The following CTNNA2 variants were observed in gnomAD, a reference collection of about 807,000 sequenced individuals.
CTNNA2 encodes the protein catenin alpha-2.
CTNNA2 carries 42 observed loss-of-function variants against 101.0 expected under a neutral mutation model. The ratio of observed to expected loss-of-function variants is 0.42; its 90% CI spans 0.32 to 0.54. The LOEUF (loss-of-function observed/expected upper bound fraction) is 0.54, where lower values mean the gene tolerates loss of function less well. Ranked by LOEUF, CTNNA2 falls within the 20% of genes least tolerant of loss-of-function variation. The pLI is 0.14. For missense variants in CTNNA2, 871 were observed against 1,223.1 expected, an observed-to-expected ratio of 0.71 and a Z score of 4.29; for synonymous variants, 450 against 456.4, an observed-to-expected ratio of 0.99 and a Z score of 0.18.
At chr2:80,547,448 T>A (rs1440242175) in intron 11 of CTNNA2, among the ~76,000 whole-genome samples, 1 of 152,164 alleles carries the variant, frequency 6.6e-6, no homozygotes, top group African/African-American at 2.4e-5. Context: ...TTTCAGAAAC[T>A]CTATAATTCT....
chr2:79,410,815 A>C lies in CTNNA2; in HGVS notation c.-135+36802A>C, dbSNP rs560963854. Among the ~76,000 whole-genome samples, 19 of 151,620 alleles carry C rather than the reference A, an allele frequency of 1.3e-4. No individual in the cohort carries two copies. In the South Asian group the frequency reaches 1.3e-3, roughly 10 times the overall value. Reference sequence around the variant, plus strand: ...GGTATCAGGATGATGCTGGCCTCATAAAATGAGTTAGGGAGGATTCCCTCT... The same window carrying C: ...GGTATCAGGATGATGCTGGCCTCATCAAATGAGTTAGGGAGGATTCCCTCT... On this transcript the variant is annotated intron_variant, in intron 4 of 21. Transcript: ENST00000466387.
intron 7 of CTNNA2, among the ~76,000 whole-genome samples, chr2:80,083,220 T>C (rs1699250964): frequency 4.6e-5 from 7 of 152,150 alleles, no homozygotes; most frequent in Admixed American, 3.9e-4. Context: ...TGTATCAAAC[T>C]GTCTCATCTT....
At chr2:80,590,021 T>G (rs1368321814) in intron 15 of CTNNA2, among the ~76,000 whole-genome samples, 1 of 152,236 alleles carries the variant, frequency 6.6e-6, no homozygotes, top group Non-Finnish European at 1.5e-5. Context: ...AATCTAAGAT[T>G]CCATTGTTTT....
chr2:80,040,888 G>C (rs1243248599), intron 7 of CTNNA2, among the ~76,000 whole-genome samples: 3 of 152,088 alleles, frequency 2.0e-5, no homozygotes, highest in Non-Finnish European at 4.4e-5. Flanking sequence ...AGATATATGT[G>C]TCAAAAAATA....
chr2:80,595,320 A>G (rs1233109083), intron 15 of CTNNA2, among the ~76,000 whole-genome samples: 1 of 152,106 alleles, frequency 6.6e-6, no homozygotes, highest in Non-Finnish European at 1.5e-5. Flanking sequence ...AACATTTTGT[A>G]TCCTGCAACT....
At chr2:80,354,656 G>T (rs1400765348) in intron 7 of CTNNA2, among the ~76,000 whole-genome samples, 2 of 152,150 alleles carry the variant, frequency 1.3e-5, no homozygotes, top group Non-Finnish European at 2.9e-5. Context: ...TTGAATACAT[G>T]ACTTGATCAT....
chr2:79,336,855 G>A (rs1456769025), intron 3 of CTNNA2, among the ~76,000 whole-genome samples: 1 of 152,180 alleles, frequency 6.6e-6, no homozygotes, highest in Non-Finnish European at 1.5e-5. Context: ...GCATGGTGGT[G>A]TTGTCTATTT....
Position 80,404,507 on chromosome 2 carries a change from G to C in CTNNA2, c.1137+11216G>C, listed in dbSNP as rs546925274. Among the ~76,000 whole-genome samples, 4 of 152,284 alleles carry C rather than the reference G, an allele frequency of 2.6e-5. No individual in the cohort carries two copies. The East Asian group carries it at 7.7e-4, about 29-fold the overall frequency. ...AAACACTTATTTTAAAAGCAGACTA[G>C]TAAGTATGTGGTTACATGTGTCTAA... On this transcript the variant is annotated intron_variant, in intron 8 of 18. Coordinates refer to ENST00000402739, the MANE Select transcript of CTNNA2 (RefSeq NM_001282597.3).
intron 2 of CTNNA2, among the ~76,000 whole-genome samples, chr2:79,667,691 T>C (rs892124764): frequency 6.6e-6 from 1 of 152,178 alleles, no homozygotes; most frequent in African/African-American, 2.4e-5. Context: ...ATGAATTATA[T>C]CTTTGTATGC....
chr2:80,589,768 C>T (rs1696274982), intron 15 of CTNNA2, among the ~76,000 whole-genome samples: 1 of 151,686 alleles, frequency 6.6e-6, no homozygotes, highest in Admixed American at 6.6e-5. Flanking sequence ...GGTGACTCAT[C>T]TTTGGTCTGT....
intron 3 of CTNNA2, among the ~76,000 whole-genome samples, chr2:79,799,121 A>G (rs1443391950): frequency 2.0e-5 from 3 of 152,044 alleles, no homozygotes; most frequent in African/African-American, 7.2e-5. Context: ...GTTTTGGGAA[A>G]GTAAAGTCGA....
At chr2:79,874,396 A>C in intron 6 of CTNNA2, 54 bp downstream of exon 6, 1 of 1,570,556 alleles carries the variant, frequency 6.4e-7, no homozygotes, top group Non-Finnish European at 8.6e-7. Context: ...TGACAAAAAA[A>C]AAAAATGTAT....
In CTNNA2 at chr2:80,336,874, C is replaced by T. The variant is rs951243600; in HGVS notation, c.1057-56337C>T. Reference sequence around the variant, plus strand: ...ATGAAGTCTCAAAGTCAAGGAAATGCACTCATGTGGGAAAGAAGTGGAGAT... The same window carrying T: ...ATGAAGTCTCAAAGTCAAGGAAATGTACTCATGTGGGAAAGAAGTGGAGAT... On this transcript the variant is annotated intron_variant, in intron 7 of 18. Coordinates refer to ENST00000402739, the MANE Select transcript of CTNNA2 (RefSeq NM_001282597.3). Among the ~76,000 whole-genome samples, 7 of 152,264 alleles carry T rather than the reference C, an allele frequency of 4.6e-5. No individual in the cohort carries two copies. The East Asian group carries it at 1.2e-3, about 25-fold the overall frequency.
intron 9 of CTNNA2, among the ~76,000 whole-genome samples, chr2:80,533,342 G>C (rs1162678111): frequency 6.6e-6 from 1 of 152,146 alleles, no homozygotes; most frequent in African/African-American, 2.4e-5. Flanking sequence ...GCAAAAAAAA[G>C]AAGGCAATGT....
At chr2:80,229,462 T>C (rs923350522) in intron 7 of CTNNA2, among the ~76,000 whole-genome samples, 3 of 152,194 alleles carry the variant, frequency 2.0e-5, no homozygotes, top group Admixed American at 6.5e-5. Context: ...ATTACTGGTT[T>C]ATTATAAAAG....
intron 7 of CTNNA2, among the ~76,000 whole-genome samples, chr2:80,308,704 T>C (rs1282510723): frequency 2.0e-5 from 3 of 152,120 alleles, no homozygotes; most frequent in Non-Finnish European, 4.4e-5. Flanking sequence ...AATAAGAAAC[T>C]AACTGCCATG....
intron 7 of CTNNA2, among the ~76,000 whole-genome samples, chr2:80,014,868 CT>C (rs921314409): frequency 5.4e-4 from 82 of 152,312 alleles, no homozygotes; most frequent in African/African-American, 1.9e-3. Flanking sequence ...TGTGTACATT[CT>C]TTTTATGCTC....
In CTNNA2 at chr2:80,021,975, T is replaced by C. The variant is rs562390194; in HGVS notation, c.1056+112178T>C. ...CAGTTTACAATAGTGAACAAAATAT[T>C]CCCCACCTTTATTCCCAGTAGAAGA... On this transcript the variant is annotated intron_variant, in intron 7 of 18. Transcript: ENST00000402739. Among the ~76,000 whole-genome samples the C allele has an allele frequency of 1.6e-3, 238 of 152,310 alleles. 1 individual carries two copies. Among genetic ancestry groups the C allele is most frequent in the Non-Finnish European group, 2.6e-3 (178 of 68,026 alleles).
At chr2:80,368,796 G>T (rs547541355) in intron 7 of CTNNA2, among the ~76,000 whole-genome samples, 8 of 147,670 alleles carry the variant, frequency 5.4e-5, no homozygotes, top group African/African-American at 2.0e-4. Context: ...GAAAAGAAAA[G>T]AAAAGAAAAT....
Sources: gnomAD v4.1 joint callset for allele counts (sites outside exome capture counted in the v4.1 genomes callset) on GRCh38, gnomAD v4.1.1 for gene constraint, MANE v1.5 for transcripts, NCBI Gene and HGNC (gene_info 2026-07-23, HGNC 2026-07-21) for gene names.